The following PTPRD variants were observed in gnomAD, a reference collection of about 807,000 sequenced individuals.
PTPRD encodes the protein receptor-type tyrosine-protein phosphatase delta.
In PTPRD, 34 loss-of-function variants were observed where a neutral mutation model predicts 214.5. That is an observed-to-expected ratio of 0.16 (90% CI 0.12 to 0.21). The LOEUF is 0.21. Ranked by LOEUF, PTPRD falls within the 10% of genes least tolerant of loss-of-function variation. PTPRD has a pLI of 1.00. For missense variants in PTPRD, 2,545 were observed against 2,398.7 expected (o/e 1.06, Z -1.27); for synonymous variants, 1,128 against 845.7 (o/e 1.33, Z -5.79).
At chr9:8,613,632 T>G (rs1009690750) in intron 14 of PTPRD, among the ~76,000 whole-genome samples, 5 of 152,076 alleles carry the variant, frequency 3.3e-5, no homozygotes, top group African/African-American at 1.2e-4. Flanking sequence ...AAAATTGCCC[T>G]GGTAATTTTC....
At chr9:8,743,797 CAATAATAATAATAATAAT>C (rs138293869) in intron 11 of PTPRD, among the ~76,000 whole-genome samples, 5 of 138,328 alleles carry the variant, frequency 3.6e-5, no homozygotes, top group African/African-American at 1.5e-4. Context: ...CAAAAAATAA[CAATAATAATAATAATAAT>C]AATAATAATA....
chr9:8,760,782 G>C (rs566180382), intron 11 of PTPRD, among the ~76,000 whole-genome samples: 6 of 152,168 alleles, frequency 3.9e-5, no homozygotes, highest in African/African-American at 1.4e-4. Flanking sequence ...TAGGAGATCT[G>C]GCTTCCCACA....
At chr9:8,587,113 G>A (rs1260309690) in intron 14 of PTPRD, among the ~76,000 whole-genome samples, 1 of 152,160 alleles carries the variant, frequency 6.6e-6, no homozygotes, top group African/African-American at 2.4e-5. Flanking sequence ...TCACACCACT[G>A]CACTCCAGCC....
intron 10 of PTPRD, among the ~76,000 whole-genome samples, chr9:9,162,603 G>T (rs1306315396): frequency 6.6e-6 from 1 of 151,880 alleles, no homozygotes; most frequent in East Asian, 1.9e-4. Context: ...CCCTCCACCT[G>T]CTTGCATCTC....
At chr9:10,165,232 C>T (rs1455661004) in intron 3 of PTPRD, among the ~76,000 whole-genome samples, 1 of 151,656 alleles carries the variant, frequency 6.6e-6, no homozygotes, top group African/African-American at 2.4e-5. Context: ...TTGGAAGTAA[C>T]ATCAAGTTAA....
At chr9:8,499,918 CT>C in intron 24 of PTPRD, 78 bp from the exon 25 acceptor site, 1 of 1,285,392 alleles carries the variant, frequency 7.8e-7, no homozygotes, top group Non-Finnish European at 1.0e-6. Flanking sequence ...ATTTTCTTTA[CT>C]TAGGTTTCTC....
intron 10 of PTPRD, among the ~76,000 whole-genome samples, chr9:9,049,773 G>A (rs1329522244): frequency 6.6e-5 from 10 of 152,060 alleles, no homozygotes; most frequent in African/African-American, 2.4e-4. Context: ...AGAGCACTCT[G>A]TAATGATTTG....
rs10978005 is a variant in PTPRD at position 9,816,065 on chromosome 9, G to C, written c.-367-49214C>G. 4.6e-3 allele frequency among the ~76,000 whole-genome samples: 700 copies of C among 152,046 alleles called. 3 individuals carry two copies. Among genetic ancestry groups the C allele is most frequent in the Non-Finnish European group, 7.4e-3 (501 of 67,948 alleles). Reference sequence around the variant, plus strand: ...GGAATGTTTCAATAAGCATGGTTGTGGTCATCATTTTACAATATATTCACC... The same window carrying C: ...GGAATGTTTCAATAAGCATGGTTGTCGTCATCATTTTACAATATATTCACC... On this transcript the variant is annotated intron_variant, in intron 5 of 45. Transcript: ENST00000381196.
At chr9:10,404,302 T>C (rs2098325154) in intron 2 of PTPRD, among the ~76,000 whole-genome samples, 4 of 151,828 alleles carry the variant, frequency 2.6e-5, no homozygotes, top group African/African-American at 9.7e-5. Flanking sequence ...TGCATTTTCT[T>C]TGTGAAATTG....
At chr9:9,486,137 C>G (rs1053438973) in intron 8 of PTPRD, among the ~76,000 whole-genome samples, 3 of 100,338 alleles carry the variant, frequency 3.0e-5, no homozygotes, top group African/African-American at 4.0e-5. Flanking sequence ...GGCAACAGAG[C>G]AAGACTCTCT....
chr9:10,439,445 A>C (rs955188480), intron 2 of PTPRD, among the ~76,000 whole-genome samples: 2 of 151,834 alleles, frequency 1.3e-5, no homozygotes, highest in African/African-American at 4.8e-5. Flanking sequence ...TGAAAAAGGA[A>C]GATAAACAGG....
At chr9:10,062,474 C>G (rs942608557) in intron 3 of PTPRD, among the ~76,000 whole-genome samples, 2 of 151,944 alleles carry the variant, frequency 1.3e-5, no homozygotes, top group African/African-American at 4.8e-5. Flanking sequence ...GGCGTGGTGG[C>G]AGCAGCCTGT....
chr9:8,542,920 C>A (rs1347376748), intron 14 of PTPRD, among the ~76,000 whole-genome samples: 1 of 152,156 alleles, frequency 6.6e-6, no homozygotes, highest in African/African-American at 2.4e-5. Context: ...TCAATTCCTG[C>A]AATTTGAAGA....
At chr9:8,524,809 G>A (rs777397807) in intron 18 of PTPRD, 116 bp downstream of exon 18, 5 of 850,598 alleles carry the variant, frequency 5.9e-6, no homozygotes, top group South Asian at 1.3e-5. Flanking sequence ...TTTCAGCTAC[G>A]GTCACTATTA....
chr9:10,607,268 C>T (rs1366962312), intron 2 of PTPRD, among the ~76,000 whole-genome samples: 2 of 151,788 alleles, frequency 1.3e-5, no homozygotes, highest in African/African-American at 2.4e-5. Context: ...TTATTAAAGG[C>T]AACGCTTTGG....
chr9:9,379,015 C>T (rs2140217911), intron 9 of PTPRD, among the ~76,000 whole-genome samples: 1 of 151,032 alleles, frequency 6.6e-6, no homozygotes, highest in East Asian at 1.9e-4. Context: ...TTAATGAAGC[C>T]CAGCTTATCA....
chr9:8,707,961 A>C (rs928068805), intron 12 of PTPRD, among the ~76,000 whole-genome samples: 10 of 152,256 alleles, frequency 6.6e-5, no homozygotes, highest in African/African-American at 2.4e-4. Flanking sequence ...CTATGCTTTT[A>C]GGGGAACTTC....
chr9:8,509,378 A>C (rs1535678), intron 21 of PTPRD, among the ~76,000 whole-genome samples: 22,895 of 152,126 alleles, frequency 0.15, 1,759 homozygotes, highest in East Asian at 0.18. Context: ...TCTCAGGCTA[A>C]AAATGCACAC....
chr9:10,131,362 C>T (rs749168890), intron 3 of PTPRD, among the ~76,000 whole-genome samples: 3 of 152,064 alleles, frequency 2.0e-5, no homozygotes, highest in Non-Finnish European at 4.4e-5. Context: ...TAGTTCAGTG[C>T]ACTATTTCAA....
Sources: gnomAD v4.1 joint callset for allele counts (sites outside exome capture counted in the v4.1 genomes callset) on GRCh38, gnomAD v4.1.1 for gene constraint, MANE v1.5 for transcripts, NCBI Gene and HGNC (gene_info 2026-07-23, HGNC 2026-07-21) for gene names.